MILR1: variants seen among roughly 807,000 people sequenced by gnomAD.
MILR1 encodes mast cell immunoglobulin like receptor 1, also known as allergin-1.
Under a neutral mutation model 18.5 loss-of-function variants are expected in MILR1, and 31 were observed. That is an observed-to-expected ratio of 1.68 (90% CI 1.26 to 2.26). The LOEUF (loss-of-function observed/expected upper bound fraction) is 2.26, where lower values mean the gene tolerates loss of function less well. Among genes scored for constraint, MILR1 ranks in the 30% most tolerant of loss-of-function variants. The pLI is 0.00. For synonymous variants in MILR1, 85 were observed against 56.2 expected, an observed-to-expected ratio of 1.51 and a Z score of -2.30; for missense variants, 257 against 157.4, an observed-to-expected ratio of 1.63 and a Z score of -3.38.
the MILR1 span, among the ~76,000 whole-genome samples, chr17:64,488,014 T>C: frequency 1.3e-5 from 2 of 152,270 alleles, no homozygotes; most frequent in Middle Eastern, 6.8e-3. Context: ...TGCTTCACTG[T>C]TCTCTAAAAA....
the MILR1 span, chr17:64,496,913 G>A: frequency 6.2e-7 from 1 of 1,612,412 alleles, no homozygotes; most frequent in African/African-American, 1.3e-5. Context: ...CCCAAACCCA[G>A]ACAACAGGCA....
At chr17:64,478,138 G>T in the MILR1 span, 1 of 714,736 alleles carries the variant, frequency 1.4e-6, no homozygotes, top group Non-Finnish European at 2.3e-6. Flanking sequence ...CATTTTTAAA[G>T]TTTCTGAATT....
chr17:64,479,514 G>A, the MILR1 span, among the ~76,000 whole-genome samples: 3 of 151,822 alleles, frequency 2.0e-5, no homozygotes, highest in African/African-American at 7.3e-5. Flanking sequence ...AATGTTCAGA[G>A]AACTGAAGAT....
At chr17:64,458,698 G>A (rs2037357587) in intron 4 of MILR1, among the ~76,000 whole-genome samples, 3 of 151,880 alleles carry the variant, frequency 2.0e-5, no homozygotes, top group Non-Finnish European at 4.4e-5. Flanking sequence ...TAGGCTGAGG[G>A]GTTCAGGGAG....
At chr17:64,460,173 GC>G (rs1483527235) in intron 4 of MILR1, among the ~76,000 whole-genome samples, 21 of 150,572 alleles carry the variant, frequency 1.4e-4, no homozygotes, top group Non-Finnish European at 2.5e-4. Flanking sequence ...ATACAGGCAC[GC>G]GCCACCAGGC....
At chr17:64,459,620 A>G (rs1190379294) in intron 4 of MILR1, among the ~76,000 whole-genome samples, 3 of 152,158 alleles carry the variant, frequency 2.0e-5, no homozygotes, top group Non-Finnish European at 4.4e-5. Flanking sequence ...TATGAGTCAC[A>G]GCCCTTCCAT....
chr17:64,485,806 T>C, the MILR1 span: 1 of 1,613,056 alleles, frequency 6.2e-7, no homozygotes, highest in Non-Finnish European at 8.5e-7. Flanking sequence ...CCAGCATGCC[T>C]CGGTCTAGGT....
At position 64,452,060 on chromosome 17, in the gene MILR1, G is replaced by A. The variant is rs898222616; in HGVS notation, c.98-537G>A. On this transcript the variant is annotated intron_variant, in intron 2 of 9. Coordinates refer to ENST00000619286, the MANE Select transcript of MILR1 (RefSeq NM_001085423.2). ...GAGTCTAAATCTGTCTTCCACCCAA[G>A]CCATCCATTGGTCCCAGCTATGTTT... Among the ~76,000 whole-genome samples the A allele has an allele frequency of 3.7e-4, 55 of 150,500 alleles. No individual in the cohort carries two copies. The South Asian group carries it at 0.012, about 32-fold the overall frequency.
At chr17:64,482,071 C>T in the MILR1 span, among the ~76,000 whole-genome samples, 2 of 150,838 alleles carry the variant, frequency 1.3e-5, no homozygotes, top group Non-Finnish European at 2.9e-5. Flanking sequence ...ACAGTACTTA[C>T]CCACAGTTCA....
In MILR1 at chr17:64,463,411, C is replaced by T. The variant is rs1024418282; in HGVS notation, c.764-2041C>T. On this transcript the variant is annotated intron_variant, in intron 5 of 9. Coordinates refer to ENST00000619286, the MANE Select transcript of MILR1 (RefSeq NM_001085423.2). ...GAGTGCAGAAGGATATGAAGATTTACACAAAAGACAGTTTGGGTCTCAGCA... is the reference window on the plus strand; with the variant it reads ...GAGTGCAGAAGGATATGAAGATTTATACAAAAGACAGTTTGGGTCTCAGCA... 2.6e-5 allele frequency among the ~76,000 whole-genome samples: 4 copies of T among 152,088 alleles called. No individual in the cohort carries two copies. The East Asian group carries it at 7.7e-4, about 29-fold the overall frequency.
the MILR1 span, among the ~76,000 whole-genome samples, chr17:64,481,911 G>C: frequency 3.3e-5 from 5 of 151,658 alleles, no homozygotes; most frequent in African/African-American, 1.2e-4. Context: ...GTTCAAAGGG[G>C]AAAGAAATAA....
chr17:64,451,642 G>C (rs1282094369), intron 2 of MILR1, among the ~76,000 whole-genome samples: 1 of 151,988 alleles, frequency 6.6e-6, no homozygotes, highest in Non-Finnish European at 1.5e-5. Context: ...TCTTAAAGTT[G>C]AGTTTATATG....
downstream of MILR1, among the ~76,000 whole-genome samples, chr17:64,470,824 T>C (rs2037677506): frequency 6.6e-6 from 1 of 152,200 alleles, no homozygotes; most frequent in African/African-American, 2.4e-5. Flanking sequence ...ATTTTCTCCT[T>C]GCAAATCTTC....
At position 64,457,498 on chromosome 17, in the gene MILR1, A is replaced by G. The variant is rs2037327332; in HGVS notation, c.466A>G (p.Ile156Val). 2 of 475,424 alleles carry G rather than the reference A, an allele frequency of 4.2e-6. No homozygotes were observed. Among genetic ancestry groups the G allele is most frequent in the Non-Finnish European group, 7.7e-6 (2 of 259,054 alleles). The allele number at this position is 475,424 out of a possible 1,614,324, so 29.5% of individuals were successfully genotyped here. ...HCLSVNGSLP[I>V]NYTFFENHVA... The stretch of plus-strand genomic sequence containing the variant: ...CCTCTCAGTCAATGGCTCGCTGCCC[A>G]TCAATTACACTTTCTTTGAAAACCA... The change falls in exon 4 of 10, where the codon ATC (isoleucine) becomes GTC (valine). Residue 156 changes from isoleucine (I) to valine (V), a missense_variant. Ile to Val is a conservative substitution (Grantham distance 29). Transcript: ENST00000619286.
At chr17:64,486,376 A>T in the MILR1 span, among the ~76,000 whole-genome samples, 1,703 of 147,594 alleles carry the variant, frequency 0.012, 29 homozygotes, top group Non-Finnish European at 0.02. Flanking sequence ...TTTTTTTTTA[A>T]TACAGACAGA....
chr17:64,461,759 A>G (rs1432585837), intron 5 of MILR1, among the ~76,000 whole-genome samples: 1 of 151,988 alleles, frequency 6.6e-6, no homozygotes, highest in Non-Finnish European at 1.5e-5. Flanking sequence ...CCCATTACAC[A>G]CTAGCTCCCC....
intron 2 of MILR1, among the ~76,000 whole-genome samples, chr17:64,452,279 A>G (rs1467539093): frequency 1.3e-5 from 2 of 151,824 alleles, no homozygotes; most frequent in Non-Finnish European, 2.9e-5. Flanking sequence ...TTTTTGAGGT[A>G]GTCTCACTCT....
the MILR1 span, among the ~76,000 whole-genome samples, chr17:64,483,529 C>T: frequency 2.9e-5 from 4 of 140,056 alleles, no homozygotes; most frequent in Non-Finnish European, 6.0e-5. Context: ...AAAAAAAAAA[C>T]AAATTAACTT....
chr17:64,475,739 C>G, the MILR1 span, among the ~76,000 whole-genome samples: 1 of 151,034 alleles, frequency 6.6e-6, no homozygotes, highest in African/African-American at 2.4e-5. Context: ...ATGAACTCAC[C>G]ACTTGAGGTA....
Sources: allele counts gnomAD v4.1 joint callset (sites outside exome capture counted in the v4.1 genomes callset), GRCh38; gene constraint gnomAD v4.1.1; transcripts MANE v1.5; gene names NCBI Gene and HGNC (gene_info 2026-07-23, HGNC 2026-07-21).